The following ADGRV1 variants were observed in gnomAD, a reference collection of about 807,000 sequenced individuals.
ADGRV1 encodes adhesion G protein-coupled receptor V1, also known as G-protein coupled receptor 98.
ADGRV1 carries 359 observed loss-of-function variants against 596.2 expected under a neutral mutation model. That is an observed-to-expected ratio of 0.60 (90% CI 0.55 to 0.66). The LOEUF (loss-of-function observed/expected upper bound fraction) is 0.66, where lower values mean the gene tolerates loss of function less well. Ranked by LOEUF, ADGRV1 falls within the 30% of genes least tolerant of loss-of-function variation. ADGRV1 has a pLI of 0.00. For synonymous variants in ADGRV1, 2,681 were observed against 2,679.2 expected (o/e 1.00, Z -0.02); for missense variants, 7,274 against 7,575.6 (o/e 0.96, Z 1.48).
chr5:90,747,084 G>T (rs1754708445), intron 52 of ADGRV1, among the ~76,000 whole-genome samples: 1 of 152,228 alleles, frequency 6.6e-6, no homozygotes, highest in South Asian at 2.1e-4. Flanking sequence ...GTTGTATGTG[G>T]GGAAATCTAA....
intron 1 of ADGRV1, among the ~76,000 whole-genome samples, chr5:90,566,861 A>G (rs1191332569): frequency 6.6e-6 from 1 of 152,186 alleles, no homozygotes; most frequent in East Asian, 1.9e-4. Flanking sequence ...CTGAATAGAA[A>G]TAATGAGAGC....
intron 82 of ADGRV1, among the ~76,000 whole-genome samples, chr5:90,861,517 G>A (rs888015524): frequency 1.3e-5 from 2 of 151,328 alleles, no homozygotes; most frequent in Non-Finnish European, 2.9e-5. Context: ...CACCGTGTTA[G>A]CCAGGATGGT....
chr5:90,905,353 C>A lies in ADGRV1; in HGVS notation c.17856+41496C>A, dbSNP rs548764747. Among the ~76,000 whole-genome samples, 11 of 152,118 alleles carry A rather than the reference C, an allele frequency of 7.2e-5. No homozygotes were observed. In the South Asian group the frequency reaches 2.3e-3, roughly 32 times the overall value. ...TATGGACATTTTAGTAATGTTGATT[C>A]TTCCAATCCATGAACATGGAATATC... On this transcript the variant is annotated intron_variant, in intron 83 of 89. Coordinates refer to ENST00000405460, the MANE Select transcript of ADGRV1 (RefSeq NM_032119.4).
intron 89 of ADGRV1, among the ~76,000 whole-genome samples, chr5:91,154,137 GTAAAC>G (rs1796278351): frequency 6.6e-6 from 1 of 152,106 alleles, no homozygotes. Flanking sequence ...AAAGAAAACC[GTAAAC>G]TAATTTGAGT....
In ADGRV1 at chr5:90,627,242, A is replaced by G. The variant is rs1307888059; in HGVS notation, c.704A>G (p.Gln235Arg). 6.4e-7 allele frequency: 1 copy of G among 1,553,004 alleles called. No homozygotes were observed. The highest frequency in any genetic ancestry group is 1.3e-5 in the South Asian group (1 of 79,732). Reference protein sequence around the residue: ...VPENDEIFLIQLKSVEGGAEI... With the variant: ...VPENDEIFLIRLKSVEGGAEI... ...GAAAATGATGAAATATTTTTAATTCAACTGAAAAGTGTAGAAGGAGGAGCT... is the reference window on the plus strand; with the variant it reads ...GAAAATGATGAAATATTTTTAATTCGACTGAAAAGTGTAGAAGGAGGAGCT... Residue 235 changes from glutamine (Q) to arginine (R), a missense_variant, in exon 7 of 90, where the codon CAA (glutamine) becomes CGA (arginine). Gln to Arg is a conservative substitution (Grantham distance 43). Around this residue, in one of 5 missense-constraint regions of ADGRV1, gnomAD observed 1,715 missense variants for 1,708.8 expected, o/e 1.00. Transcript: ENST00000405460.
chr5:90,739,982 GAGAGCCCCA>G (rs1356229130), intron 50 of ADGRV1, among the ~76,000 whole-genome samples: 3 of 152,108 alleles, frequency 2.0e-5, no homozygotes, highest in Non-Finnish European at 4.4e-5. Flanking sequence ...AGGGCTTAAG[GAGAGCCCCA>G]GGATTTGGTT....
At position 90,965,528 on chromosome 5, in the gene ADGRV1, T is replaced by G. The variant is rs1299964669; in HGVS notation, c.17970T>G (p.Ile5990Met). Reference sequence around the variant, plus strand: ...TTTGCCAGTTTAGCTGGATGCTCATTCAGGTTGGTACCTCATTCCCTCTCC... The same window carrying G: ...TTTGCCAGTTTAGCTGGATGCTCATGCAGGTTGGTACCTCATTCCCTCTCC... ...LYLCQFSWML[I>M]QSVNFWYVLV... Residue 5990 changes from isoleucine to methionine, a missense_variant, in exon 84 of 90, where the codon ATT (isoleucine) becomes ATG (methionine). Ile to Met is a conservative substitution (Grantham distance 10). Around this residue, in one of 5 missense-constraint regions of ADGRV1, gnomAD observed 1,874 missense variants for 1,970.2 expected, o/e 0.95. Coordinates refer to ENST00000405460, the MANE Select transcript of ADGRV1 (RefSeq NM_032119.4). The G allele has an allele frequency of 6.3e-7, 1 of 1,591,766 alleles. No homozygotes were observed. The highest frequency in any genetic ancestry group is 1.3e-5 in the African/African-American group (1 of 74,554).
chr5:90,642,111 T>C (rs192252339), intron 11 of ADGRV1, among the ~76,000 whole-genome samples: 221 of 152,304 alleles, frequency 1.5e-3, no homozygotes, highest in African/African-American at 5.1e-3. Flanking sequence ...GTAATCACAA[T>C]TGTGTTTATT....
intron 42 of ADGRV1, among the ~76,000 whole-genome samples, chr5:90,714,642 A>G (rs549226064): frequency 6.6e-6 from 1 of 152,162 alleles, no homozygotes; most frequent in South Asian, 2.1e-4. Context: ...TGAGGCAAGG[A>G]TACAACTTCA....
intron 16 of ADGRV1, 147 bp from the exon 17 acceptor site, chr5:90,647,351 T>C: frequency 1.5e-6 from 1 of 646,074 alleles, no homozygotes; most frequent in Non-Finnish European, 2.5e-6. Flanking sequence ...AGGGTAGTCA[T>C]GTCAGAGTTG....
At chr5:90,921,834 G>A (rs995701751) in intron 83 of ADGRV1, among the ~76,000 whole-genome samples, 1 of 130,420 alleles carries the variant, frequency 7.7e-6, no homozygotes, top group African/African-American at 2.8e-5. Context: ...AGTCTGAGAT[G>A]TCTGAGCCCC....
intron 89 of ADGRV1, among the ~76,000 whole-genome samples, chr5:91,156,341 G>A (rs1008637993): frequency 1.3e-5 from 2 of 152,174 alleles, no homozygotes; most frequent in African/African-American, 4.8e-5. Context: ...TTAGAAGACA[G>A]TCTCACCAAG....
At chr5:90,677,188 A>G (rs547754255) in intron 25 of ADGRV1, among the ~76,000 whole-genome samples, 2 of 152,316 alleles carry the variant, frequency 1.3e-5, no homozygotes, top group East Asian at 3.9e-4. Flanking sequence ...CATAGTACAT[A>G]AGCCATCCAA....
At position 90,811,222 on chromosome 5, in the gene ADGRV1, A is replaced by G; in HGVS notation, c.15962A>G (p.Glu5321Gly). ...KVSVQILDDD[E>G]PEGQEFFYVF... ...TCAGTTCAAATTTTGGATGATGATG[A>G]GCCTGAGGGGCAGGAATTCTTCTAC... Residue 5321 changes from glutamate to glycine, a missense_variant, in exon 74 of 90, where the codon GAG (glutamate) becomes GGG (glycine). This residue lies in a region of ADGRV1 where 1,874 missense variants were observed against 1,970.2 expected (regional missense o/e 0.95). Coordinates refer to ENST00000405460, the MANE Select transcript of ADGRV1 (RefSeq NM_032119.4). 2 of 1,613,092 alleles carry G rather than the reference A, an allele frequency of 1.2e-6. No homozygotes were observed. The highest frequency in any genetic ancestry group is 1.7e-6 in the Non-Finnish European group (2 of 1,179,424).
rs571543875 is a variant in ADGRV1 at position 91,151,428 on chromosome 5, A to G, written c.18624+1207A>G. Among the ~76,000 whole-genome samples the G allele has an allele frequency of 2.6e-5, 4 of 152,324 alleles. No homozygotes were observed. In the South Asian group the frequency reaches 8.3e-4, roughly 32 times the overall value. On this transcript the variant is annotated intron_variant, in intron 88 of 89. Coordinates refer to ENST00000405460, the MANE Select transcript of ADGRV1 (RefSeq NM_032119.4). ...AAAGGGTACAAAATTTGAGTTATAAAATGAATAAGTTCAAGTACAGTCTTT... is the reference window on the plus strand; with the variant it reads ...AAAGGGTACAAAATTTGAGTTATAAGATGAATAAGTTCAAGTACAGTCTTT...
intron 86 of ADGRV1, among the ~76,000 whole-genome samples, chr5:91,099,483 A>T (rs1371523559): frequency 6.6e-6 from 1 of 152,206 alleles, no homozygotes; most frequent in Non-Finnish European, 1.5e-5. Context: ...TGAGGGGTGC[A>T]GTGCTGCCCA....
intron 89 of ADGRV1, among the ~76,000 whole-genome samples, chr5:91,156,033 G>A (rs1332882947): frequency 2.0e-5 from 3 of 152,194 alleles, no homozygotes; most frequent in African/African-American, 7.2e-5. Flanking sequence ...CTGACTAAAA[G>A]AAAAGTATAT....
chr5:90,668,190 C>G (rs1420362212), intron 21 of ADGRV1, among the ~76,000 whole-genome samples: 2 of 151,952 alleles, frequency 1.3e-5, no homozygotes, highest in African/African-American at 2.4e-5. Context: ...TGGGCAATGG[C>G]GGGCGCCCCT....
In ADGRV1 at chr5:90,693,879, C is replaced by G; in HGVS notation, c.7134-11C>G. The G allele has an allele frequency of 6.6e-7, 1 of 1,524,890 alleles. No individual in the cohort carries two copies. Among genetic ancestry groups the G allele is most frequent in the Non-Finnish European group, 8.8e-7 (1 of 1,135,682 alleles). The allele number at this position is 1,524,890 out of a possible 1,614,324, so 94.5% of individuals were successfully genotyped here. On this transcript the variant is annotated splice_polypyrimidine_tract_variant and intron_variant, in intron 32 of 89. Transcript: ENST00000405460. ...CTTAACCTGTCTTTTAATTGTCACT[C>G]CACATTTTAGCGGAGGGCACTTTGG...
Sources: allele counts gnomAD v4.1 joint callset (sites outside exome capture counted in the v4.1 genomes callset), GRCh38; gene constraint gnomAD v4.1.1; regional missense constraint gnomAD v4.1.1; transcripts MANE v1.5; gene names NCBI Gene and HGNC (gene_info 2026-07-23, HGNC 2026-07-21).